The following DST variants were observed in gnomAD, a reference collection of about 807,000 sequenced individuals.
The protein encoded by DST is dystonin, also known as bullous pemphigoid antigen.
DST carries 253 observed loss-of-function variants against 875.2 expected under a neutral mutation model. That is an observed-to-expected ratio of 0.29 (90% confidence interval 0.26 to 0.32). The LOEUF (loss-of-function observed/expected upper bound fraction) is 0.32. Among genes scored for constraint, DST ranks in the 10% least tolerant of loss-of-function variants. DST has a pLI of 1.00. For synonymous variants in DST, 3,124 were observed against 3,197.1 expected (o/e 0.98, Z 0.77); for missense variants, 8,287 against 9,111.6 (o/e 0.91, Z 3.68).
intron 69 of DST, among the ~76,000 whole-genome samples, chr6:56,519,195 C>T (rs553869851): frequency 7.2e-5 from 11 of 152,236 alleles, no homozygotes; most frequent in South Asian, 2.1e-4. Context: ...CAACACTAAA[C>T]GGGTACAAAG....
At chr6:56,872,961 A>C (rs567562273) in intron 3 of DST, among the ~76,000 whole-genome samples, 1 of 151,968 alleles carries the variant, frequency 6.6e-6, no homozygotes, top group South Asian at 2.1e-4. Context: ...CTAAACTTAC[A>C]TTCCTACCAA....
intron 4 of DST, among the ~76,000 whole-genome samples, chr6:56,763,294 A>G (rs1210057650): frequency 6.6e-6 from 1 of 152,150 alleles, no homozygotes; most frequent in African/African-American, 2.4e-5. Context: ...CTGATCACTT[A>G]CCTAATAAGT....
intron 2 of DST, among the ~76,000 whole-genome samples, chr6:56,905,177 T>A (rs1425557100): frequency 1.3e-5 from 2 of 152,136 alleles, no homozygotes; most frequent in African/African-American, 4.8e-5. Flanking sequence ...CCCCAAATTA[T>A]CAGCCCCTTT....
intron 3 of DST, among the ~76,000 whole-genome samples, chr6:56,864,539 A>G (rs904465755): frequency 2.8e-4 from 41 of 146,800 alleles, no homozygotes; most frequent in African/African-American, 1.1e-3. Context: ...TTAGGAAGCC[A>G]GAGTGCTTCA....
At chr6:56,871,734 G>A in intron 3 of DST, 2 of 432,642 alleles carry the variant, frequency 4.6e-6, no homozygotes, top group Non-Finnish European at 8.5e-6. Context: ...AAAACTTACA[G>A]CACAGGAGTA....
In DST at chr6:56,877,167, A is replaced by C. The variant is rs148449045; in HGVS notation, c.417+23254T>G. 1.7e-3 allele frequency among the ~76,000 whole-genome samples: 252 copies of C among 152,334 alleles called. 1 individual carries two copies. The highest frequency in any genetic ancestry group is 3.4e-3 in the Middle Eastern group (1 of 294). Reference sequence around the variant, plus strand: ...ATCAAAGAATGTTCCCTGACTGTGCAATGTAAACCCATCATCCCACCCCAA... The same window carrying C: ...ATCAAAGAATGTTCCCTGACTGTGCCATGTAAACCCATCATCCCACCCCAA... On this transcript the variant is annotated intron_variant, in intron 3 of 103. Coordinates refer to ENST00000680361, the MANE Select transcript of DST (RefSeq NM_001374736.1).
chr6:56,493,327 C>T (rs551496513), intron 83 of DST, among the ~76,000 whole-genome samples: 1 of 152,164 alleles, frequency 6.6e-6, no homozygotes, highest in South Asian at 2.1e-4. Flanking sequence ...TTAATATACG[C>T]TAAAGCATGT....
intron 85 of DST, 85 bp downstream of exon 85, chr6:56,492,142 G>A (rs562943865): frequency 1.7e-6 from 2 of 1,210,036 alleles, no homozygotes; most frequent in South Asian, 2.7e-5. Flanking sequence ...TACAGCCTGT[G>A]ATAAAAGTAC....
chr6:56,525,693 A>G (rs1332718232), intron 69 of DST, among the ~76,000 whole-genome samples: 1 of 152,218 alleles, frequency 6.6e-6, no homozygotes, highest in Non-Finnish European at 1.5e-5. Context: ...ATATTCACAG[A>G]AATTTCAACT....
At chr6:56,765,022 T>C (rs1485026764) in intron 4 of DST, among the ~76,000 whole-genome samples, 4 of 144,992 alleles carry the variant, frequency 2.8e-5, no homozygotes, top group African/African-American at 2.7e-5. Context: ...TAAGAAGCAA[T>C]AGGCACTAAC....
chr6:56,832,634 T>C (rs1486377964), intron 4 of DST, among the ~76,000 whole-genome samples: 1 of 151,948 alleles, frequency 6.6e-6, no homozygotes, highest in African/African-American at 2.4e-5. Context: ...AAAAAATGCC[T>C]CTATAGCACA....
At chr6:56,879,312 T>C (rs371324978) in intron 3 of DST, among the ~76,000 whole-genome samples, 2 of 151,616 alleles carry the variant, frequency 1.3e-5, no homozygotes, top group East Asian at 3.9e-4. Context: ...TACTAAAAAA[T>C]ACAAAAAAAT....
chr6:56,683,369 A>G (rs751575484), intron 9 of DST, among the ~76,000 whole-genome samples: 5 of 152,184 alleles, frequency 3.3e-5, no homozygotes, highest in Non-Finnish European at 5.9e-5. Flanking sequence ...TTGCTGTACC[A>G]AATATTATTG....
chr6:56,592,184 T>C lies in DST; in HGVS notation c.12901A>G (p.Lys4301Glu). ...KNLQRQLEETKALQGQISSQQ... is the reference protein window; with the variant it reads ...KNLQRQLEETEALQGQISSQQ... ...TGGATCTTTCTCTCGCTTTTTACCT[T>C]GGTCTCTTCTAATTGCCTTTGAAGA... Residue 4301 changes from lysine (K) to glutamate (E), a missense_variant and splice_region_variant, in exon 49 of 104, where the codon AAG becomes GAG. Physicochemically the swap from Lys to Glu is moderately conservative, Grantham distance 56. This residue lies in a region of DST where 1,513 missense variants were observed against 1,677.8 expected (regional missense o/e 0.90). Coordinates refer to ENST00000680361, the MANE Select transcript of DST (RefSeq NM_001374736.1). 1 of 1,612,710 alleles carries C rather than the reference T, an allele frequency of 6.2e-7. No homozygotes were observed. The highest frequency in any genetic ancestry group is 8.5e-7 in the Non-Finnish European group (1 of 1,179,420).
At chr6:56,913,815 A>G (rs1425876207) in intron 2 of DST, among the ~76,000 whole-genome samples, 1 of 152,242 alleles carries the variant, frequency 6.6e-6, no homozygotes, top group Non-Finnish European at 1.5e-5. Context: ...TTCTAGGCAG[A>G]TCAAACAGCA....
chr6:56,820,354 G>A (rs1369057009), intron 4 of DST, among the ~76,000 whole-genome samples: 1 of 152,158 alleles, frequency 6.6e-6, no homozygotes, highest in Non-Finnish European at 1.5e-5. Context: ...CTTGAGAGTG[G>A]ACTGTTGAAT....
intron 41 of DST, 70 bp downstream of exon 41, chr6:56,603,494 G>C: frequency 6.3e-7 from 1 of 1,587,954 alleles, no homozygotes; most frequent in South Asian, 1.1e-5. Context: ...ACATAGAAGT[G>C]TTCTGCTTCT....
chr6:56,622,470 G>C (rs1369138835), intron 36 of DST, among the ~76,000 whole-genome samples: 2 of 150,192 alleles, frequency 1.3e-5, no homozygotes, highest in Non-Finnish European at 2.9e-5. Flanking sequence ...CAGCTACTCG[G>C]AAGGCTGAGG....
At chr6:56,582,930 AT>A (rs1373198111) in intron 49 of DST, among the ~76,000 whole-genome samples, 2 of 152,074 alleles carry the variant, frequency 1.3e-5, no homozygotes, top group South Asian at 2.1e-4. Context: ...TGAACTCATC[AT>A]TTTTTATGGC....
Sources: gnomAD v4.1 joint callset for allele counts (sites outside exome capture counted in the v4.1 genomes callset) on GRCh38, gnomAD v4.1.1 for gene constraint, gnomAD v4.1.1 regional missense constraint, MANE v1.5 for transcripts, NCBI Gene and HGNC (gene_info 2026-07-23, HGNC 2026-07-21) for gene names.